LSM2: variants seen among roughly 807,000 people sequenced by gnomAD.
The protein encoded by LSM2 is LSM2 homolog, U6 small nuclear RNA and mRNA degradation associated.
In LSM2, 12 loss-of-function variants were observed where a neutral mutation model predicts 17.0. That is an observed-to-expected ratio of 0.70 (90% CI 0.45 to 1.14). The LOEUF (loss-of-function observed/expected upper bound fraction) is 1.14. LSM2 is among the 50% of genes most tolerant of loss of function. The probability of loss-of-function intolerance (pLI) is 0.00; values close to 1 mark genes in which losing one functional copy is unlikely to be tolerated. For synonymous variants in LSM2, 42 were observed against 44.5 expected (o/e 0.94, Z 0.22); for missense variants, 62 against 111.8 (o/e 0.55, Z 2.01).
At position 31,797,970 on chromosome 6, in the gene LSM2, C is replaced by T; in HGVS notation, c.162+20G>A. On this transcript the variant is annotated intron_variant, in intron 4 of 4. Transcript: ENST00000375661. Reference sequence around the variant, plus strand: ...TCCTGCTTTAGAGGTGTTTCCTCTTCTCCACAGACCCCAACTCACCATGTG... The same window carrying T: ...TCCTGCTTTAGAGGTGTTTCCTCTTTTCCACAGACCCCAACTCACCATGTG... 6.2e-7 allele frequency: 1 copy of T among 1,608,498 alleles called. No individual in the cohort carries two copies. The highest frequency in any genetic ancestry group is 8.5e-7 in the Non-Finnish European group (1 of 1,176,938).
intron 2 of LSM2, among the ~76,000 whole-genome samples, chr6:31,803,117 C>T (rs1468811440): frequency 6.6e-6 from 1 of 152,172 alleles, no homozygotes; most frequent in Non-Finnish European, 1.5e-5. Flanking sequence ...ATATCACTTG[C>T]ATTGCCAGTG....
Position 31,806,728 on chromosome 6 carries a change from G to A in LSM2, c.3+27C>T, listed in dbSNP as rs375922717. On this transcript the variant is annotated intron_variant, in intron 1 of 4. Coordinates refer to ENST00000375661, the MANE Select transcript of LSM2 (RefSeq NM_021177.5). ...CCAACCATGCGAGGTCCCCGAGGGCGCCCCCTTTTGACGTCACGGTACCCA... is the reference window on the plus strand; with the variant it reads ...CCAACCATGCGAGGTCCCCGAGGGCACCCCCTTTTGACGTCACGGTACCCA... 1,063 of 1,608,404 alleles carry A rather than the reference G, an allele frequency of 6.6e-4. 3 individuals carry two copies. The highest frequency in any genetic ancestry group is 8.3e-4 in the Non-Finnish European group (975 of 1,178,280).
intron 2 of LSM2, among the ~76,000 whole-genome samples, chr6:31,800,380 T>G (rs927955883): frequency 1.3e-5 from 2 of 152,032 alleles, no homozygotes; most frequent in African/African-American, 4.8e-5. Context: ...ATAGCAGTTT[T>G]AAAAACGTCC....
At chr6:31,803,916 G>C (rs1295752754) in intron 2 of LSM2, among the ~76,000 whole-genome samples, 1 of 152,088 alleles carries the variant, frequency 6.6e-6, no homozygotes, top group Non-Finnish European at 1.5e-5. Context: ...GTACAGATAA[G>C]TACAGGGCCA....
chr6:31,800,731 C>T (rs1814650079), intron 2 of LSM2, among the ~76,000 whole-genome samples: 1 of 151,700 alleles, frequency 6.6e-6, no homozygotes, highest in Non-Finnish European at 1.5e-5. Flanking sequence ...ACTAAAAATA[C>T]AAAAAATTAG....
At position 31,797,733 on chromosome 6, in the gene LSM2, G is replaced by A. The variant is rs144347766; in HGVS notation, c.*24C>T. On this transcript the variant is annotated 3_prime_UTR_variant, in exon 5 of 5. Transcript: ENST00000375661. ...GGGTTATGGGTCACCAATGAAAGAG[G>A]GAGGGGAAGAGGAGGAGGAGCCATC... 4.3e-5 allele frequency: 70 copies of A among 1,612,110 alleles called. No homozygotes were observed. In the Admixed American group the frequency reaches 1.1e-3, roughly 26 times the overall value.
intron 2 of LSM2, among the ~76,000 whole-genome samples, chr6:31,798,883 C>T (rs2763980): frequency 0.069 from 10,487 of 151,924 alleles, 500 homozygotes; most frequent in Non-Finnish European, 0.11. Flanking sequence ...ACTTCAGGCG[C>T]ATGCCATCAT....
At chr6:31,802,780 G>A (rs1392453396) in intron 2 of LSM2, 1 of 152,008 alleles carries the variant, frequency 6.6e-6, no homozygotes, top group Non-Finnish European at 1.5e-5. Flanking sequence ...AGGCGTTGTG[G>A]CGCATGCCTG....
intron 2 of LSM2, among the ~76,000 whole-genome samples, chr6:31,800,411 T>C (rs1048347618): frequency 1.2e-4 from 18 of 152,184 alleles, no homozygotes; most frequent in Non-Finnish European, 4.4e-5. Flanking sequence ...AAAAATAAAG[T>C]TGGCAGTTCT....
At chr6:31,803,925 C>G (rs1212548074) in intron 2 of LSM2, among the ~76,000 whole-genome samples, 2 of 152,080 alleles carry the variant, frequency 1.3e-5, no homozygotes, top group African/African-American at 4.8e-5. Flanking sequence ...AGTACAGGGC[C>G]AGGTGTGCTG....
chr6:31,799,743 A>C (rs568040748), intron 2 of LSM2, among the ~76,000 whole-genome samples: 1 of 151,532 alleles, frequency 6.6e-6, no homozygotes, highest in East Asian at 1.9e-4. Flanking sequence ...TTGGAACCAG[A>C]GCCCATATGT....
At chr6:31,802,784 A>G (rs1354257358) in intron 2 of LSM2, 1 of 151,862 alleles carries the variant, frequency 6.6e-6, no homozygotes, top group Admixed American at 6.6e-5. Context: ...GTTGTGGCGC[A>G]TGCCTGTAAT....
chr6:31,806,679 G>A, intron 1 of LSM2, 76 bp downstream of exon 1: 1 of 1,568,748 alleles, frequency 6.4e-7, no homozygotes, highest in South Asian at 1.1e-5. Context: ...CCAGCCTAGG[G>A]GTACAAAGGC....
intron 2 of LSM2, among the ~76,000 whole-genome samples, chr6:31,805,243 A>G (rs986043753): frequency 1.3e-5 from 2 of 150,338 alleles, no homozygotes; most frequent in African/African-American, 4.9e-5. Flanking sequence ...TTTTATAGAA[A>G]TAGAGGTCTC....
intron 1 of LSM2, 85 bp from the exon 2 acceptor site, chr6:31,806,227 T>C: frequency 3.3e-6 from 4 of 1,208,760 alleles, no homozygotes; most frequent in Non-Finnish European, 4.8e-6. Context: ...CAAATACTGG[T>C]ATTGTGAACC....
intron 2 of LSM2, among the ~76,000 whole-genome samples, chr6:31,802,512 T>G (rs1270558849): frequency 6.6e-6 from 1 of 151,814 alleles, no homozygotes; most frequent in East Asian, 1.9e-4. Context: ...GGATAATCAC[T>G]TGAACCAGGG....
intron 2 of LSM2, among the ~76,000 whole-genome samples, chr6:31,803,656 C>T (rs958723728): frequency 1.3e-5 from 2 of 151,648 alleles, no homozygotes; most frequent in African/African-American, 4.8e-5. Context: ...TCTCAGCTCA[C>T]TACAACGTCC....
Position 31,798,515 on chromosome 6 carries a change from G to C in LSM2, c.72-8C>G. The C allele has an allele frequency of 1.2e-6, 2 of 1,612,798 alleles. No individual in the cohort carries two copies. Among genetic ancestry groups the C allele is most frequent in the Non-Finnish European group, 1.7e-6 (2 of 1,179,944 alleles). On this transcript the variant is annotated splice_region_variant and splice_polypyrimidine_tract_variant and intron_variant, in intron 2 of 4. Transcript: ENST00000375661. Reference sequence around the variant, plus strand: ...TGGAGGGTTCCACAGATGCTGTCAAGGGCAGAGGGAGAGAAGAATCAAATT... The same window carrying C: ...TGGAGGGTTCCACAGATGCTGTCAACGGCAGAGGGAGAGAAGAATCAAATT...
In LSM2 at chr6:31,806,237, C is replaced by T. The variant is rs561926324; in HGVS notation, c.4-95G>A. 101 of 1,101,146 alleles carry T rather than the reference C, an allele frequency of 9.2e-5. No individual in the cohort carries two copies. In the East Asian group the frequency reaches 2.4e-3, roughly 26 times the overall value. 68.2% of individuals were successfully genotyped at this position (1,101,146 alleles called of 1,614,324 possible). On this transcript the variant is annotated intron_variant, in intron 1 of 4. Coordinates refer to ENST00000375661, the MANE Select transcript of LSM2 (RefSeq NM_021177.5). The stretch of plus-strand genomic sequence containing the variant: ...ATTACCAAATACTGGTATTGTGAAC[C>T]CCACTGCATCCCTGACAGTTCTCAA...
Sources: allele counts gnomAD v4.1 joint callset (sites outside exome capture counted in the v4.1 genomes callset), GRCh38; gene constraint gnomAD v4.1.1; transcripts MANE v1.5; gene names NCBI Gene and HGNC (gene_info 2026-07-23, HGNC 2026-07-21).